Variants in NTRK2 observed in about 807,000 individuals in gnomAD.
NTRK2 encodes neurotrophic receptor tyrosine kinase 2, also known as BDNF/NT-3 growth factors receptor.
Under a neutral mutation model 94.5 loss-of-function variants are expected in NTRK2, and 13 were observed. The observed-to-expected ratio is 0.14, with a 90% CI of 0.09 to 0.22. The LOEUF is 0.22. Among genes scored for constraint, NTRK2 ranks in the 10% least tolerant of loss-of-function variants. The pLI is 1.00. For missense variants in NTRK2, 639 were observed against 1,071.2 expected (o/e 0.60, Z 5.63); for synonymous variants, 372 against 407.4 (o/e 0.91, Z 1.05).
intron 12 of NTRK2, among the ~76,000 whole-genome samples, chr9:84,800,561 A>G (rs2070299050): frequency 6.6e-6 from 1 of 152,216 alleles, no homozygotes. Flanking sequence ...ATGCAGAGTC[A>G]ATTCCACAAT....
At chr9:84,901,349 A>C (rs1211775564) in intron 14 of NTRK2, among the ~76,000 whole-genome samples, 1 of 151,832 alleles carries the variant, frequency 6.6e-6, no homozygotes, top group Admixed American at 6.6e-5. Context: ...CAGCCTCCTG[A>C]TTAGCTGGGA....
At chr9:84,720,116 G>C (rs1588149289) in intron 6 of NTRK2, among the ~76,000 whole-genome samples, 1 of 151,956 alleles carries the variant, frequency 6.6e-6, no homozygotes, top group Non-Finnish European at 1.5e-5. Context: ...TGACTTAAAG[G>C]GTGAGAATAC....
chr9:84,868,400 G>A (rs1438603552), intron 14 of NTRK2, among the ~76,000 whole-genome samples: 1 of 152,174 alleles, frequency 6.6e-6, no homozygotes, highest in Non-Finnish European at 1.5e-5. Context: ...ATGAGTATCA[G>A]ATCTGTGCAT....
At chr9:84,959,943 A>G (rs567212652) in intron 17 of NTRK2, among the ~76,000 whole-genome samples, 1 of 152,170 alleles carries the variant, frequency 6.6e-6, no homozygotes, top group Non-Finnish European at 1.5e-5. Context: ...TCTGTTGATG[A>G]GTGGAGGGCC....
chr9:84,961,868 A>G (rs1216093579), intron 17 of NTRK2, among the ~76,000 whole-genome samples: 1 of 152,242 alleles, frequency 6.6e-6, no homozygotes, highest in African/African-American at 2.4e-5. Context: ...TATTTAAGAT[A>G]TAGACCCTAA....
At chr9:84,922,932 A>G (rs2077615457) in intron 14 of NTRK2, among the ~76,000 whole-genome samples, 1 of 152,218 alleles carries the variant, frequency 6.6e-6, no homozygotes, top group Admixed American at 6.5e-5. Flanking sequence ...AGAGCTCTCA[A>G]ATAAGCATAT....
At chr9:84,680,168 T>G (rs1440432266) in intron 2 of NTRK2, among the ~76,000 whole-genome samples, 2 of 152,184 alleles carry the variant, frequency 1.3e-5, no homozygotes, top group Non-Finnish European at 2.9e-5. Context: ...CAAAAAGTAG[T>G]TCAGTGTCAC....
intron 11 of NTRK2, among the ~76,000 whole-genome samples, chr9:84,746,897 A>C (rs143669294): frequency 1.3e-5 from 2 of 152,222 alleles, no homozygotes; most frequent in African/African-American, 4.8e-5. Context: ...TCTCTTCTCT[A>C]GATTCTTTAG....
chr9:84,751,284 T>A (rs1272570560), intron 11 of NTRK2, among the ~76,000 whole-genome samples: 1 of 152,196 alleles, frequency 6.6e-6, no homozygotes, highest in Non-Finnish European at 1.5e-5. Flanking sequence ...CTTCACCAGC[T>A]TCAAGAATTA....
intron 17 of NTRK2, among the ~76,000 whole-genome samples, chr9:84,988,937 T>C (rs2133297268): frequency 6.6e-6 from 1 of 152,340 alleles, no homozygotes; most frequent in South Asian, 2.1e-4. Context: ...ACAGATATTT[T>C]TGATACAAGC....
chr9:84,766,562 G>A (rs946100652), intron 12 of NTRK2, among the ~76,000 whole-genome samples: 3 of 152,016 alleles, frequency 2.0e-5, no homozygotes, highest in East Asian at 1.9e-4. Flanking sequence ...TATCTCATGC[G>A]GGGAGAGTTC....
At chr9:84,936,140 G>A (rs1480631175) in intron 15 of NTRK2, among the ~76,000 whole-genome samples, 1 of 152,174 alleles carries the variant, frequency 6.6e-6, no homozygotes, top group Non-Finnish European at 1.5e-5. Context: ...CTAGATGAGA[G>A]TGTAGAAATA....
At chr9:85,011,857 G>A (rs537237381) in intron 17 of NTRK2, among the ~76,000 whole-genome samples, 11 of 152,208 alleles carry the variant, frequency 7.2e-5, no homozygotes, top group Admixed American at 3.3e-4. Flanking sequence ...AGCTGTGTGC[G>A]CTTGGGTCGG....
chr9:84,686,653 G>A (rs897667800), intron 2 of NTRK2, among the ~76,000 whole-genome samples: 6 of 152,174 alleles, frequency 3.9e-5, no homozygotes, highest in Non-Finnish European at 8.8e-5. Context: ...TAATGTGTCA[G>A]GTCTAGTTTA....
At chr9:84,868,804 G>C (rs2075710851) in intron 14 of NTRK2, among the ~76,000 whole-genome samples, 1 of 152,072 alleles carries the variant, frequency 6.6e-6, no homozygotes, top group African/African-American at 2.4e-5. Flanking sequence ...TACTGTGATG[G>C]GAGCATCTGT....
chr9:84,909,002 G>C (rs1284117891), intron 14 of NTRK2, among the ~76,000 whole-genome samples: 1 of 152,072 alleles, frequency 6.6e-6, no homozygotes, highest in African/African-American at 2.4e-5. Flanking sequence ...CTATGATATT[G>C]ACATTCATAC....
At chr9:84,799,730 C>T (rs775494527) in intron 12 of NTRK2, among the ~76,000 whole-genome samples, 27 of 151,944 alleles carry the variant, frequency 1.8e-4, no homozygotes, top group Non-Finnish European at 2.6e-4. Context: ...ATTGGTATTC[C>T]GTGCCATTCT....
At chr9:84,701,528 G>C (rs1173603241) in intron 2 of NTRK2, among the ~76,000 whole-genome samples, 1 of 152,308 alleles carries the variant, frequency 6.6e-6, no homozygotes, top group Admixed American at 6.5e-5. Flanking sequence ...GAGGGCTTAG[G>C]GGGTGGGGGA....
intron 12 of NTRK2, among the ~76,000 whole-genome samples, chr9:84,786,742 G>A (rs2068149627): frequency 6.6e-6 from 1 of 152,172 alleles, no homozygotes; most frequent in Non-Finnish European, 1.5e-5. Flanking sequence ...ACCGCTCCCA[G>A]TGGCCACCAC....
Sources: allele counts gnomAD v4.1 joint callset (sites outside exome capture counted in the v4.1 genomes callset), GRCh38; gene constraint gnomAD v4.1.1; transcripts MANE v1.5; gene names NCBI Gene and HGNC (gene_info 2026-07-23, HGNC 2026-07-21).